CACNG3: variants seen among roughly 807,000 people sequenced by gnomAD.
CACNG3 encodes calcium voltage-gated channel auxiliary subunit gamma 3, also known as voltage-dependent calcium channel gamma-3 subunit.
CACNG3 carries 3 observed loss-of-function variants against 28.5 expected under a neutral mutation model. The ratio of observed to expected loss-of-function variants is 0.11; its 90% confidence interval spans 0.05 to 0.27. CACNG3 has a LOEUF of 0.27. CACNG3 is among the 10% of genes least tolerant of loss of function. The pLI is 1.00. For missense variants in CACNG3, 236 were observed against 414.4 expected, an observed-to-expected ratio of 0.57 and a Z score of 3.74; for synonymous variants, 174 against 162.2, an observed-to-expected ratio of 1.07 and a Z score of -0.55.
chr16:24,286,710 A>G (rs1898900351), intron 1 of CACNG3, among the ~76,000 whole-genome samples: 1 of 152,148 alleles, frequency 6.6e-6, no homozygotes, highest in East Asian at 1.9e-4. Context: ...AGGTGCTATT[A>G]CCATCCTTAT....
chr16:24,343,811 C>T (rs943203745), intron 1 of CACNG3, among the ~76,000 whole-genome samples: 1 of 152,092 alleles, frequency 6.6e-6, no homozygotes, highest in South Asian at 2.1e-4. Flanking sequence ...CATCTCAGGC[C>T]GGGCACAGTG....
At chr16:24,326,682 C>T (rs1036931318) in intron 1 of CACNG3, among the ~76,000 whole-genome samples, 4 of 152,102 alleles carry the variant, frequency 2.6e-5, no homozygotes, top group African/African-American at 9.7e-5. Flanking sequence ...AATCACATGC[C>T]CACTTCTGAA....
chr16:24,276,099 T>G (rs567611985), intron 1 of CACNG3, among the ~76,000 whole-genome samples: 1 of 152,324 alleles, frequency 6.6e-6, no homozygotes, highest in South Asian at 2.1e-4. Context: ...CTTCATAAAC[T>G]TCAAGTCTAA....
intron 1 of CACNG3, among the ~76,000 whole-genome samples, chr16:24,258,034 G>A (rs1898491576): frequency 6.6e-6 from 1 of 152,156 alleles, no homozygotes; most frequent in Admixed American, 6.5e-5. Context: ...TTAGGCTTCC[G>A]AGAAATCTGT....
chr16:24,278,179 A>G (rs1216735306), intron 1 of CACNG3, among the ~76,000 whole-genome samples: 1 of 152,234 alleles, frequency 6.6e-6, no homozygotes, highest in Admixed American at 6.5e-5. Flanking sequence ...GATCTGGGAA[A>G]TGCACATTTG....
At chr16:24,346,671 C>T (rs1186988533) in intron 1 of CACNG3, 63 bp from the exon 2 acceptor site, 9 of 1,073,718 alleles carry the variant, frequency 8.4e-6, no homozygotes, top group Middle Eastern at 4.2e-4. Flanking sequence ...CGGTGAGGAC[C>T]CAGGCTGGCC....
chr16:24,351,398 C>T (rs901389676), intron 2 of CACNG3, among the ~76,000 whole-genome samples: 1 of 151,762 alleles, frequency 6.6e-6, no homozygotes. Context: ...ATGGTGAAAC[C>T]CAGTCTCAAC....
chr16:24,270,312 A>G (rs1175598401), intron 1 of CACNG3, among the ~76,000 whole-genome samples: 1 of 152,238 alleles, frequency 6.6e-6, no homozygotes, highest in Non-Finnish European at 1.5e-5. Flanking sequence ...TTTGCAAATT[A>G]CAGGAGAGCA....
At chr16:24,305,145 G>A (rs979627186) in intron 1 of CACNG3, among the ~76,000 whole-genome samples, 78 of 152,158 alleles carry the variant, frequency 5.1e-4, no homozygotes, top group African/African-American at 1.9e-3. Flanking sequence ...TTCATCAGCC[G>A]TGTGTGACAA....
intron 1 of CACNG3, among the ~76,000 whole-genome samples, chr16:24,291,344 C>T (rs1898964467): frequency 6.6e-6 from 1 of 152,178 alleles, no homozygotes; most frequent in Non-Finnish European, 1.5e-5. Context: ...GATATTGCTC[C>T]TGTCAACAAT....
intron 1 of CACNG3, among the ~76,000 whole-genome samples, chr16:24,324,009 C>G (rs1899501264): frequency 6.6e-6 from 1 of 152,168 alleles, no homozygotes; most frequent in Non-Finnish European, 1.5e-5. Context: ...CTCAGGAACT[C>G]CTGATCTGCC....
At chr16:24,353,080 A>G (rs1487963890) in intron 2 of CACNG3, among the ~76,000 whole-genome samples, 1 of 152,084 alleles carries the variant, frequency 6.6e-6, no homozygotes, top group East Asian at 1.9e-4. Context: ...AGTTCAAGCA[A>G]TTCTCCTCCC....
chr16:24,257,379 GA>G (rs1898476807), intron 1 of CACNG3, among the ~76,000 whole-genome samples: 1 of 56,410 alleles, frequency 1.8e-5, no homozygotes, highest in East Asian at 5.7e-4. Flanking sequence ...GAGAGAGAGA[GA>G]GAGAGAGAGA....
chr16:24,311,607 A>G (rs1899265223), intron 1 of CACNG3, among the ~76,000 whole-genome samples: 1 of 151,256 alleles, frequency 6.6e-6, no homozygotes, highest in African/African-American at 2.4e-5. Context: ...TGTAATCCCA[A>G]CACTTTGGGA....
intron 1 of CACNG3, among the ~76,000 whole-genome samples, chr16:24,331,417 C>T (rs1899629643): frequency 1.3e-5 from 2 of 152,180 alleles, no homozygotes; most frequent in Non-Finnish European, 2.9e-5. Context: ...AGTACCCTCT[C>T]TCGAAGAGGC....
rs576308552 is a variant in CACNG3, at chr16:24,278,239, CA to C, written c.211+21276del. Among the ~76,000 whole-genome samples, 120 of 152,136 alleles carry C rather than the reference CA, an allele frequency of 7.9e-4. 1 individual carries two copies. Among genetic ancestry groups the C allele is most frequent in the African/African-American group, 2.8e-3 (116 of 41,502 alleles). On this transcript the variant is annotated intron_variant, in intron 1 of 3. Coordinates refer to ENST00000005284, the MANE Select transcript of CACNG3 (RefSeq NM_006539.4). The stretch of plus-strand genomic sequence containing the variant: ...AATCTTGAATGTGAATAAGAGCTTC[CA>C]ATAAGACTGTAAAAAATAAGAAAAT...
At chr16:24,279,063 G>C (rs1429030124) in intron 1 of CACNG3, among the ~76,000 whole-genome samples, 1 of 152,188 alleles carries the variant, frequency 6.6e-6, no homozygotes, top group Non-Finnish European at 1.5e-5. Flanking sequence ...GTAATGGCTG[G>C]AGCAGGAGTG....
rs951624618 is a variant in CACNG3, at chr16:24,312,589, G to T, written c.212-34145G>T. Among the ~76,000 whole-genome samples the T allele has an allele frequency of 7.9e-5, 12 of 152,144 alleles. No individual in the cohort carries two copies. The East Asian group carries it at 2.1e-3, about 27-fold the overall frequency. ...CCAGCACCCTGGGAGGTTAAAGCAG[G>T]AGGATAGCTTGAGGTCAAGAATTTG... is the stretch of plus-strand genomic sequence containing the variant. On this transcript the variant is annotated intron_variant, in intron 1 of 3. Coordinates refer to ENST00000005284, the MANE Select transcript of CACNG3 (RefSeq NM_006539.4).
At chr16:24,298,239 CT>C (rs895980090) in intron 1 of CACNG3, among the ~76,000 whole-genome samples, 6 of 151,952 alleles carry the variant, frequency 3.9e-5, no homozygotes, top group Admixed American at 1.3e-4. Context: ...TTGTAATGGA[CT>C]TTTTCCTTTA....
Sources: gnomAD v4.1 joint callset for allele counts (sites outside exome capture counted in the v4.1 genomes callset) on GRCh38, gnomAD v4.1.1 for gene constraint, MANE v1.5 for transcripts, NCBI Gene and HGNC (gene_info 2026-07-23, HGNC 2026-07-21) for gene names.